Variants in PTPRD observed in about 807,000 individuals in gnomAD.
PTPRD encodes the protein protein tyrosine phosphatase receptor type D.
A neutral mutation model predicts 214.5 loss-of-function variants in PTPRD; 34 were observed. That is an observed-to-expected ratio of 0.16 (90% CI 0.12 to 0.21). The LOEUF (loss-of-function observed/expected upper bound fraction) is 0.21. PTPRD is among the 10% of genes least tolerant of loss of function. The pLI is 1.00. For synonymous variants in PTPRD, 1,128 were observed against 845.7 expected (o/e 1.33, Z -5.79); for missense variants, 2,545 against 2,398.7 (o/e 1.06, Z -1.27).
chr9:8,562,311 G>A (rs72696664), intron 14 of PTPRD, among the ~76,000 whole-genome samples: 398 of 152,042 alleles, frequency 2.6e-3, no homozygotes, highest in Middle Eastern at 6.8e-3. Flanking sequence ...ATTCTATAAA[G>A]TACATATGAC....
At chr9:10,263,794 C>T (rs183515883) in intron 3 of PTPRD, among the ~76,000 whole-genome samples, 1 of 152,104 alleles carries the variant, frequency 6.6e-6, no homozygotes, top group African/African-American at 2.4e-5. Context: ...GAAAACGTCC[C>T]TAGGGCATGT....
intron 5 of PTPRD, among the ~76,000 whole-genome samples, chr9:9,814,549 G>C (rs1462151089): frequency 6.6e-6 from 1 of 151,898 alleles, no homozygotes; most frequent in Non-Finnish European, 1.5e-5. Context: ...ACTTCAGAAA[G>C]GATAAAATAC....
Position 8,805,785 on chromosome 9 carries a change from G to T in PTPRD, c.-103-71839C>A, listed in dbSNP as rs561081208. Among the ~76,000 whole-genome samples the T allele has an allele frequency of 2.6e-5, 4 of 151,322 alleles. No homozygotes were observed. In the East Asian group the frequency reaches 6.1e-4, roughly 23 times the overall value. On this transcript the variant is annotated intron_variant, in intron 11 of 45. Transcript: ENST00000381196. ...CTGAGGCGGACGGATCATGAGGTCA[G>T]GAGATCGAGACCATCCTGGCTAACA...
At chr9:8,928,580 G>GTACCATGCCGTT (rs58910166) in intron 11 of PTPRD, among the ~76,000 whole-genome samples, 1 of 149,428 alleles carries the variant, frequency 6.7e-6, no homozygotes, top group Non-Finnish European at 1.5e-5. Context: ...TTTGGTACCA[G>GTACCATGCCGTT]TTGGTTACTC....
Position 9,541,635 on chromosome 9 carries a change from T to G in PTPRD, c.-237+33097A>C, listed in dbSNP as rs1302518008. On this transcript the variant is annotated intron_variant, in intron 8 of 45. Coordinates refer to ENST00000381196, the MANE Select transcript of PTPRD (RefSeq NM_002839.4). The stretch of plus-strand genomic sequence containing the variant: ...GATGAATTAGAATCACAAGGAGGCT[T>G]AGCTATAGAACAAGCATGAATCCAG... Among the ~76,000 whole-genome samples the G allele has an allele frequency of 2.0e-5, 3 of 151,836 alleles. No homozygotes were observed. In the East Asian group the frequency reaches 5.8e-4, roughly 29 times the overall value.
rs369632509 is a variant in PTPRD at position 8,340,321 on chromosome 9, C to G, written c.5253+22G>C. The G allele has an allele frequency of 3.3e-4, 520 of 1,573,552 alleles. 1 individual carries two copies. The highest frequency in any genetic ancestry group is 4.3e-4 in the Non-Finnish European group (497 of 1,150,728). ...ACAGAGTAAATGTCTTATGAGGAGACACACAAGGGCCACACACTTACTCTG... is the reference window on the plus strand; with the variant it reads ...ACAGAGTAAATGTCTTATGAGGAGAGACACAAGGGCCACACACTTACTCTG... On this transcript the variant is annotated intron_variant, in intron 42 of 45. Transcript: ENST00000381196.
At chr9:9,843,284 G>C (rs1346890262) in intron 5 of PTPRD, among the ~76,000 whole-genome samples, 1 of 151,914 alleles carries the variant, frequency 6.6e-6, no homozygotes, top group Non-Finnish European at 1.5e-5. Context: ...CTTGGTTCCG[G>C]GCTTTATAAA....
chr9:8,819,176 T>C (rs1052855126), intron 11 of PTPRD, among the ~76,000 whole-genome samples: 1 of 152,210 alleles, frequency 6.6e-6, no homozygotes, highest in Non-Finnish European at 1.5e-5. Context: ...ACTTACTCTG[T>C]GTCTTGAGTA....
chr9:9,777,459 C>A (rs2098807480), intron 5 of PTPRD, among the ~76,000 whole-genome samples: 1 of 152,026 alleles, frequency 6.6e-6, no homozygotes, highest in African/African-American at 2.4e-5. Context: ...ATTTGGGAGG[C>A]CGAGGTAGGT....
intron 35 of PTPRD, among the ~76,000 whole-genome samples, chr9:8,414,687 G>C (rs1045375560): frequency 1.3e-5 from 2 of 151,772 alleles, no homozygotes; most frequent in Non-Finnish European, 2.9e-5. Context: ...GTTATTAATA[G>C]GACCCTTTCT....
Position 9,041,340 on chromosome 9 carries a change from T to G in PTPRD, c.-142-22605A>C, listed in dbSNP as rs200121477. On this transcript the variant is annotated intron_variant, in intron 10 of 45. Transcript: ENST00000381196. ...TATTAAGCCTAGTACCCATTAGTTA[T>G]TTTTCCTGATCCTCTGCCTCTTTCC... 2.6e-4 allele frequency among the ~76,000 whole-genome samples: 40 copies of G among 152,254 alleles called. No individual in the cohort carries two copies. The East Asian group carries it at 6.8e-3, about 26-fold the overall frequency.
At chr9:8,658,426 A>AT (rs1321195503) in intron 12 of PTPRD, among the ~76,000 whole-genome samples, 1 of 152,070 alleles carries the variant, frequency 6.6e-6, no homozygotes, top group African/African-American at 2.4e-5. Context: ...CATTAAGGCA[A>AT]TTTTTCCCAC....
At chr9:9,047,885 C>T (rs1473135403) in intron 10 of PTPRD, among the ~76,000 whole-genome samples, 1 of 152,030 alleles carries the variant, frequency 6.6e-6, no homozygotes, top group Non-Finnish European at 1.5e-5. Flanking sequence ...CAAATTGGAT[C>T]ACCTCAGGTT....
intron 9 of PTPRD, among the ~76,000 whole-genome samples, chr9:9,354,958 G>C (rs528326435): frequency 2.0e-5 from 3 of 151,780 alleles, no homozygotes; most frequent in African/African-American, 7.3e-5. Flanking sequence ...CAGTAGTGGA[G>C]TGTGGACAAA....
intron 5 of PTPRD, among the ~76,000 whole-genome samples, chr9:9,780,216 T>G (rs1013706053): frequency 4.0e-5 from 6 of 151,834 alleles, no homozygotes; most frequent in Non-Finnish European, 7.4e-5. Context: ...TGAACACACA[T>G]CAACATAAAC....
intron 3 of PTPRD, among the ~76,000 whole-genome samples, chr9:10,214,793 C>T (rs1181210757): frequency 6.6e-6 from 1 of 152,040 alleles, no homozygotes; most frequent in Non-Finnish European, 1.5e-5. Flanking sequence ...GGTCTCTTTG[C>T]CAACATGTAG....
rs540792519 is a variant in PTPRD, at chr9:8,434,089, T to C, written c.4086+2503A>G. On this transcript the variant is annotated intron_variant, in intron 35 of 45. Coordinates refer to ENST00000381196, the MANE Select transcript of PTPRD (RefSeq NM_002839.4). ...CCTCTGCCTCCCAGGTTCAAGCGAT[T>C]TTCCTGCCTCAGCCTCCCAAGTGGC... Among the ~76,000 whole-genome samples the C allele has an allele frequency of 2.0e-5, 3 of 152,246 alleles. No homozygotes were observed. In the East Asian group the frequency reaches 5.8e-4, roughly 29 times the overall value.
chr9:10,034,247 C>A (rs1279027465), intron 3 of PTPRD, among the ~76,000 whole-genome samples: 1 of 151,944 alleles, frequency 6.6e-6, no homozygotes, highest in Non-Finnish European at 1.5e-5. Flanking sequence ...GTCTTCAATT[C>A]ACAAAGAAAG....
intron 3 of PTPRD, among the ~76,000 whole-genome samples, chr9:10,285,834 C>T (rs961958828): frequency 6.6e-6 from 1 of 151,944 alleles, no homozygotes; most frequent in Non-Finnish European, 1.5e-5. Flanking sequence ...TGGTTTCGAT[C>T]TCCTGACCTC....
Sources: allele counts gnomAD v4.1 joint callset (sites outside exome capture counted in the v4.1 genomes callset), GRCh38; gene constraint gnomAD v4.1.1; transcripts MANE v1.5; gene names NCBI Gene and HGNC (gene_info 2026-07-23, HGNC 2026-07-21).